TENM1: variants seen among roughly 807,000 people sequenced by gnomAD.
TENM1 encodes the protein teneurin transmembrane protein 1.
TENM1 carries 35 observed loss-of-function variants against 174.8 expected under a neutral mutation model. That is an observed-to-expected ratio of 0.20 (90% CI 0.15 to 0.27). The LOEUF is 0.27. Ranked by LOEUF, TENM1 falls within the 10% of genes least tolerant of loss-of-function variation. TENM1 has a pLI of 1.00. For synonymous variants in TENM1, 781 were observed against 798.7 expected (o/e 0.98, Z 0.37); for missense variants, 1,633 against 2,130.1 (o/e 0.77, Z 4.59).
At chrX:124,904,523 T>C (rs957237450) in intron 1 of TENM1, among the ~76,000 whole-genome samples, 1 of 112,422 alleles carries the variant, frequency 8.9e-6, no homozygotes, top group African/African-American at 3.2e-5. Flanking sequence ...CCAATGCAAA[T>C]TGAAAAATTG....
At chrX:124,875,920 T>C (rs12839720) in intron 3 of TENM1, among the ~76,000 whole-genome samples, 6 of 104,780 alleles carry the variant, frequency 5.7e-5, no homozygotes, top group Admixed American at 2.1e-4. Flanking sequence ...TCACTTCAAA[T>C]AAAACTGGAT....
chrX:124,981,623 C>A, the TENM1 span, among the ~76,000 whole-genome samples: 2 of 111,264 alleles, frequency 1.8e-5, no homozygotes, highest in Admixed American at 1.9e-4. Flanking sequence ...GAAATCTAAA[C>A]CCATGGGAGC....
chrX:125,071,209 T>C, the TENM1 span, among the ~76,000 whole-genome samples: 1 of 112,037 alleles, frequency 8.9e-6, no homozygotes, highest in Non-Finnish European at 1.9e-5. Context: ...TAGGATTTTA[T>C]GTACAGTAAA....
the TENM1 span, among the ~76,000 whole-genome samples, chrX:125,201,503 A>G: frequency 8.9e-6 from 1 of 111,840 alleles, no homozygotes; most frequent in African/African-American, 3.3e-5. Flanking sequence ...TACTTCATGT[A>G]TGCAAAAATA....
intron 11 of TENM1, among the ~76,000 whole-genome samples, chrX:124,589,356 T>TTGTTGTTGTTGTTGC (rs1489141584): frequency 1.5e-4 from 7 of 47,878 alleles, no homozygotes; most frequent in African/African-American, 8.6e-4. Context: ...CTGTAGTTTG[T>TTGTTGTTGTTGTTGC]TGTTGTTGTT....
At chrX:124,808,349 T>G (rs901929269) in intron 3 of TENM1, among the ~76,000 whole-genome samples, 2 of 111,872 alleles carry the variant, frequency 1.8e-5, no homozygotes. Flanking sequence ...TTAGTAGAGC[T>G]GAAGGAAGAG....
chrX:124,821,722 C>A (rs780721759), intron 3 of TENM1, among the ~76,000 whole-genome samples: 2 of 112,169 alleles, frequency 1.8e-5, no homozygotes, highest in East Asian at 5.6e-4. Context: ...CATTTCTTCA[C>A]AGCCTAGGTC....
intron 1 of TENM1, among the ~76,000 whole-genome samples, chrX:124,954,113 T>C (rs765684933): frequency 2.0e-4 from 23 of 112,324 alleles, no homozygotes; most frequent in Non-Finnish European, 4.1e-4. Context: ...TTAGCTGTAA[T>C]TGTATATTGT....
chrX:124,828,675 C>T (rs1392319421), intron 3 of TENM1, among the ~76,000 whole-genome samples: 3 of 111,997 alleles, frequency 2.7e-5, no homozygotes, highest in Non-Finnish European at 3.8e-5. Context: ...CTTTTTAGCA[C>T]TGTACACATT....
chrX:125,175,293 C>T, the TENM1 span, among the ~76,000 whole-genome samples: 102 of 111,034 alleles, frequency 9.2e-4, no homozygotes, highest in African/African-American at 3.2e-3. Context: ...GCATATTCAC[C>T]CTTTCAGGAA....
chrX:124,445,988 A>G (rs1351529513), intron 23 of TENM1, among the ~76,000 whole-genome samples: 3 of 112,500 alleles, frequency 2.7e-5, no homozygotes, highest in African/African-American at 9.7e-5. Context: ...TTATACTGAG[A>G]GTTCAGTTTC....
At chrX:124,887,087 T>C (rs990587034) in intron 3 of TENM1, among the ~76,000 whole-genome samples, 7 of 110,894 alleles carry the variant, frequency 6.3e-5, no homozygotes, top group Non-Finnish European at 1.3e-4. Context: ...AAACATTAAA[T>C]GCATATATTT....
intron 1 of TENM1, among the ~76,000 whole-genome samples, chrX:124,941,522 C>G (rs989657194): frequency 8.9e-6 from 1 of 111,962 alleles, no homozygotes; most frequent in African/African-American, 3.2e-5. Context: ...TCACACCAGT[C>G]TCAAATATCA....
intron 22 of TENM1, among the ~76,000 whole-genome samples, chrX:124,481,248 A>T (rs764540606): frequency 8.9e-5 from 10 of 111,874 alleles, no homozygotes; most frequent in Admixed American, 7.6e-4. Flanking sequence ...AAAGTCAGGA[A>T]TGTTTAGGGT....
At chrX:124,993,698 T>C in the TENM1 span, among the ~76,000 whole-genome samples, 262 of 111,237 alleles carry the variant, frequency 2.4e-3, 1 homozygote, top group African/African-American at 8.1e-3. Flanking sequence ...AGATTAAGTA[T>C]AATCTCAACA....
chrX:125,194,491 C>G, the TENM1 span, among the ~76,000 whole-genome samples: 1 of 111,465 alleles, frequency 9.0e-6, no homozygotes, highest in Admixed American at 9.5e-5. Context: ...CTTTCTAACA[C>G]AAGGTTGATT....
the TENM1 span, among the ~76,000 whole-genome samples, chrX:125,193,655 C>A: frequency 9.0e-6 from 1 of 111,572 alleles, no homozygotes; most frequent in Non-Finnish European, 1.9e-5. Flanking sequence ...GTACTGTAAC[C>A]TGGTCCCCAC....
intron 11 of TENM1, among the ~76,000 whole-genome samples, chrX:124,595,891 A>G (rs2049879299): frequency 8.9e-6 from 1 of 112,211 alleles, no homozygotes; most frequent in African/African-American, 3.2e-5. Flanking sequence ...TTCCATAAAG[A>G]TTAGAAATTA....
At chrX:124,451,554 G>T (rs1450643783) in intron 23 of TENM1, among the ~76,000 whole-genome samples, 1 of 111,872 alleles carries the variant, frequency 8.9e-6, no homozygotes, top group Non-Finnish European at 1.9e-5. Context: ...AAAAGAGCCC[G>T]CATTGTCAAG....
Sources: gnomAD v4.1 joint callset for allele counts (sites outside exome capture counted in the v4.1 genomes callset) on GRCh38, gnomAD v4.1.1 for gene constraint, MANE v1.5 for transcripts, NCBI Gene and HGNC (gene_info 2026-07-23, HGNC 2026-07-21) for gene names.